The following KCNMA1 variants were observed in gnomAD, a reference collection of about 807,000 sequenced individuals.
The protein encoded by KCNMA1 is Calcium-activated potassium channel subunit alpha-1.
A neutral mutation model predicts 140.0 loss-of-function variants in KCNMA1; 29 were observed. The ratio of observed to expected loss-of-function variants is 0.21; its 90% CI spans 0.15 to 0.28. The LOEUF is 0.28. Ranked by LOEUF, KCNMA1 falls within the 10% of genes least tolerant of loss-of-function variation. The pLI, the probability that KCNMA1 is intolerant of heterozygous loss-of-function variation, is 1.00. For missense variants in KCNMA1, 880 were observed against 1,602.2 expected (o/e 0.55, Z 7.70); for synonymous variants, 612 against 611.9 (o/e 1.00, Z 0.00).
At chr10:76,920,552 A>G (rs2055314643) in intron 23 of KCNMA1, among the ~76,000 whole-genome samples, 1 of 152,196 alleles carries the variant, frequency 6.6e-6, no homozygotes, top group African/African-American at 2.4e-5. Context: ...GGCTGGGCTA[A>G]GGGTTTTTTC....
chr10:76,977,848 A>C, intron 19 of KCNMA1: 1 of 541,464 alleles, frequency 1.8e-6, no homozygotes. Context: ...AGATTCATCC[A>C]CCCAGTACTT....
chr10:77,579,826 A>G (rs1448407709), intron 1 of KCNMA1, among the ~76,000 whole-genome samples: 1 of 152,126 alleles, frequency 6.6e-6, no homozygotes, highest in Non-Finnish European at 1.5e-5. Context: ...GAGTCACAGA[A>G]GCTCCCCTAG....
At position 77,472,806 on chromosome 10, in the gene KCNMA1, C is replaced by A. The variant is rs957415598; in HGVS notation, c.379-68783G>T. Among the ~76,000 whole-genome samples the A allele has an allele frequency of 7.2e-5, 11 of 152,176 alleles. 1 individual carries two copies. Among genetic ancestry groups the A allele is most frequent in the Non-Finnish European group, 1.2e-4 (8 of 68,034 alleles). On this transcript the variant is annotated intron_variant, in intron 1 of 27. Transcript: ENST00000286628. Reference sequence around the variant, plus strand: ...TTGTGTTTATTCATAGGCATCAGTCCGTTCCACCCTTCAAACAACAAAGGA... The same window carrying A: ...TTGTGTTTATTCATAGGCATCAGTCAGTTCCACCCTTCAAACAACAAAGGA...
chr10:77,247,295 T>C (rs1480915663), intron 3 of KCNMA1, among the ~76,000 whole-genome samples: 2 of 152,202 alleles, frequency 1.3e-5, no homozygotes, highest in African/African-American at 4.8e-5. Flanking sequence ...CAACTTTCTC[T>C]TGAAATTCTG....
chr10:77,637,564 T>C lies in KCNMA1; in HGVS notation c.79A>G (p.Ser27Gly). The change falls in exon 1 of 28, where the codon AGC becomes GGC. Residue 27 changes from serine (S) to glycine (G), a missense_variant. By Grantham distance (56) the Ser-to-Gly change is moderately conservative. This residue lies in a region of KCNMA1 where 94 missense variants were observed against 92.4 expected (regional missense o/e 1.02). Coordinates refer to ENST00000286628, the MANE Select transcript of KCNMA1 (RefSeq NM_001161352.2). ...CTGAGATGGTTCGCGTGGATATTGCTACTCATTCTAAGACTGCTGCCTCCG... is the reference window on the plus strand; with the variant it reads ...CTGAGATGGTTCGCGTGGATATTGCCACTCATTCTAAGACTGCTGCCTCCG... The part of the protein sequence containing the change: ...GGGGSSLRMS[S>G]NIHANHLSLD... 6.5e-7 allele frequency: 1 copy of C among 1,541,368 alleles called. No individual in the cohort carries two copies. The highest frequency in any genetic ancestry group is 1.7e-4 in the Middle Eastern group (1 of 5,894).
intron 5 of KCNMA1, among the ~76,000 whole-genome samples, chr10:77,136,462 G>A (rs2098030707): frequency 1.3e-5 from 2 of 152,026 alleles, no homozygotes; most frequent in African/African-American, 4.8e-5. Flanking sequence ...AAAAAGTACT[G>A]GAGCTCTGTT....
intron 2 of KCNMA1, among the ~76,000 whole-genome samples, chr10:77,284,171 T>C (rs908854001): frequency 3.9e-5 from 6 of 152,114 alleles, no homozygotes; most frequent in African/African-American, 1.4e-4. Flanking sequence ...AGTCAATTCC[T>C]AATTGTTCAG....
intron 3 of KCNMA1, among the ~76,000 whole-genome samples, chr10:77,230,985 C>T (rs142021217): frequency 0.011 from 1,739 of 152,204 alleles, 6 homozygotes; most frequent in Non-Finnish European, 0.019. Flanking sequence ...TGCTCATTAC[C>T]GAAGCCACAC....
At chr10:77,384,478 A>G (rs1196770896) in intron 2 of KCNMA1, among the ~76,000 whole-genome samples, 1 of 152,218 alleles carries the variant, frequency 6.6e-6, no homozygotes, top group Non-Finnish European at 1.5e-5. Flanking sequence ...AACCTTCCAA[A>G]TAGGCCCATT....
At chr10:77,077,211 G>A (rs2096426884) in intron 13 of KCNMA1, among the ~76,000 whole-genome samples, 1 of 152,176 alleles carries the variant, frequency 6.6e-6, no homozygotes, top group Non-Finnish European at 1.5e-5. Context: ...TTCTCTAGAA[G>A]AGAGATATGA....
chr10:77,565,888 C>T (rs1215055629), intron 1 of KCNMA1, among the ~76,000 whole-genome samples: 1 of 151,946 alleles, frequency 6.6e-6, no homozygotes, highest in African/African-American at 2.4e-5. Flanking sequence ...CACATGAATG[C>T]ACCTCCCCAC....
intron 1 of KCNMA1, among the ~76,000 whole-genome samples, chr10:77,615,611 G>T (rs936570934): frequency 6.6e-6 from 1 of 152,118 alleles, no homozygotes; most frequent in South Asian, 2.1e-4. Flanking sequence ...CTGACATCTC[G>T]TACTGCAAAA....
At chr10:77,005,613 G>T (rs774838055) in intron 18 of KCNMA1, among the ~76,000 whole-genome samples, 7 of 152,122 alleles carry the variant, frequency 4.6e-5, no homozygotes, top group Non-Finnish European at 7.4e-5. Context: ...CTTGTTATTG[G>T]ACCAGGGCCA....
In KCNMA1 at chr10:77,565,405, G is replaced by A. The variant is rs565000351; in HGVS notation, c.378+71860C>T. On this transcript the variant is annotated intron_variant, in intron 1 of 27. Transcript: ENST00000286628. ...ATCTTTTCAACACTTTTATAAGGTAGTATGTTAATATGACAGTTAAGATGA... is the reference window on the plus strand; with the variant it reads ...ATCTTTTCAACACTTTTATAAGGTAATATGTTAATATGACAGTTAAGATGA... 3.4e-5 allele frequency among the ~76,000 whole-genome samples: 5 copies of A among 147,138 alleles called. No individual in the cohort carries two copies. The East Asian group carries it at 1.0e-3, about 30-fold the overall frequency.
At chr10:77,160,454 T>C (rs186904049) in intron 5 of KCNMA1, among the ~76,000 whole-genome samples, 192 of 152,342 alleles carry the variant, frequency 1.3e-3, no homozygotes, top group Non-Finnish European at 2.3e-3. Context: ...ATATACTACA[T>C]GTGGTTCCTA....
intron 1 of KCNMA1, among the ~76,000 whole-genome samples, chr10:77,604,884 C>A (rs1029297956): frequency 5.3e-5 from 8 of 152,186 alleles, no homozygotes; most frequent in Non-Finnish European, 1.0e-4. Context: ...TGCCTCCACC[C>A]TCCCCCACCC....
chr10:77,234,244 T>G (rs918085912), intron 3 of KCNMA1, among the ~76,000 whole-genome samples: 5 of 152,222 alleles, frequency 3.3e-5, no homozygotes, highest in Non-Finnish European at 5.9e-5. Flanking sequence ...TAAATAATAT[T>G]TTTCTGAGAA....
chr10:77,499,124 A>G (rs558683234), intron 1 of KCNMA1, among the ~76,000 whole-genome samples: 111 of 152,310 alleles, frequency 7.3e-4, no homozygotes, highest in African/African-American at 2.5e-3. Context: ...ACTTGGAGAA[A>G]CCATCTATTC....
At chr10:77,404,339 C>T (rs937553894) in intron 1 of KCNMA1, among the ~76,000 whole-genome samples, 6 of 152,126 alleles carry the variant, frequency 3.9e-5, no homozygotes, top group South Asian at 2.1e-4. Flanking sequence ...AGTGCAGTGG[C>T]GCAATCTCGG....
Sources: allele counts gnomAD v4.1 joint callset (sites outside exome capture counted in the v4.1 genomes callset), GRCh38; gene constraint gnomAD v4.1.1; regional missense constraint gnomAD v4.1.1; transcripts MANE v1.5; gene names NCBI Gene and HGNC (gene_info 2026-07-23, HGNC 2026-07-21).